VSTM5: variants seen among roughly 807,000 people sequenced by gnomAD.
The protein encoded by VSTM5 is V-set and transmembrane domain-containing protein 5.
A neutral mutation model predicts 20.3 loss-of-function variants in VSTM5; 21 were observed. The observed-to-expected ratio is 1.03, with a 90% CI of 0.73 to 1.49. The LOEUF (loss-of-function observed/expected upper bound fraction) is 1.49, where lower values mean the gene tolerates loss of function less well. VSTM5 is among the 40% of genes most tolerant of loss of function. The pLI, the probability that VSTM5 is intolerant of heterozygous loss-of-function variation, is 0.00. For missense variants in VSTM5, 219 were observed against 250.0 expected (o/e 0.88, Z 0.84); for synonymous variants, 100 against 102.5 (o/e 0.98, Z 0.14).
At position 93,821,096 on chromosome 11, in the gene VSTM5, G is replaced by A. The variant is rs1944180913; in HGVS notation, c.319C>T (p.Leu107Phe). The change falls in exon 2 of 4, where the codon CTC becomes TTC. Residue 107 changes from leucine to phenylalanine, a missense_variant. Leu to Phe is a conservative substitution (Grantham distance 22). Coordinates refer to ENST00000409977, the MANE Select transcript of VSTM5 (RefSeq NM_001144871.2). ...VCTFDNGSIQ[L>F]FSVGVRDSGY... Reference sequence around the variant, plus strand: ...GAATCCCTCACTCCCACGCTGAAGAGCTGGATGGAGCCGTTGTCAAAGGTG... The same window carrying A: ...GAATCCCTCACTCCCACGCTGAAGAACTGGATGGAGCCGTTGTCAAAGGTG... The A allele has an allele frequency of 9.7e-6, 15 of 1,551,842 alleles. No homozygotes were observed. The highest frequency in any genetic ancestry group is 1.2e-5 in the Non-Finnish European group (14 of 1,147,058).
In VSTM5 at chr11:93,850,589, C is replaced by G; in HGVS notation, c.-87G>C. ...TGCAGCCTTCTCTCTTCCTCCGCCT[C>G]TGGCTGCCGCAGGTTCTTTAGGGCC... On this transcript the variant is annotated 5_prime_UTR_variant, in exon 1 of 4. Transcript: ENST00000409977. The G allele has an allele frequency of 1.2e-6, 1 of 860,674 alleles. No individual in the cohort carries two copies. Among genetic ancestry groups the G allele is most frequent in the Non-Finnish European group, 1.6e-6 (1 of 624,582 alleles). The allele number at this position is 860,674 out of a possible 1,614,324, so 53.3% of individuals were successfully genotyped here.
chr11:93,850,198 C>G (rs1007938925), intron 1 of VSTM5, among the ~76,000 whole-genome samples: 1 of 152,038 alleles, frequency 6.6e-6, no homozygotes, highest in Admixed American at 6.5e-5. Context: ...TCTGCTTTGC[C>G]CAGCCCCTCC....
At chr11:93,820,966 G>T (rs1305987109) in intron 2 of VSTM5, 31 bp downstream of exon 2, 2 of 1,551,082 alleles carry the variant, frequency 1.3e-6, no homozygotes, top group Admixed American at 2.0e-5. Flanking sequence ...TCACAGTTCA[G>T]AGGGGTGCCC....
At chr11:93,843,328 C>G (rs908437532) in intron 1 of VSTM5, among the ~76,000 whole-genome samples, 2 of 152,086 alleles carry the variant, frequency 1.3e-5, no homozygotes, top group Non-Finnish European at 2.9e-5. Flanking sequence ...GTTGTAATTC[C>G]TCTTGATGAA....
intron 1 of VSTM5, among the ~76,000 whole-genome samples, chr11:93,831,316 T>C (rs1438378323): frequency 6.6e-6 from 1 of 152,094 alleles, no homozygotes; most frequent in African/African-American, 2.4e-5. Flanking sequence ...GGCGGCACAG[T>C]TTTAAGCCAC....
At chr11:93,842,679 C>T (rs1254410807) in intron 1 of VSTM5, among the ~76,000 whole-genome samples, 1 of 152,156 alleles carries the variant, frequency 6.6e-6, no homozygotes. Context: ...CTAGAAGGTG[C>T]GGTCAGTAAA....
intron 1 of VSTM5, among the ~76,000 whole-genome samples, chr11:93,822,532 G>A (rs1944196730): frequency 1.3e-5 from 2 of 152,174 alleles, no homozygotes; most frequent in Admixed American, 6.5e-5. Context: ...CGCCCAGGCT[G>A]GAGTGCTGAG....
Position 93,850,364 on chromosome 11 carries a change from C to T in VSTM5, c.91+48G>A, listed in dbSNP as rs767144354. The T allele has an allele frequency of 1.2e-5, 18 of 1,519,474 alleles. No individual in the cohort carries two copies. The South Asian group carries it at 1.9e-4, about 16-fold the overall frequency. The allele number at this position is 1,519,474 out of a possible 1,614,324, so 94.1% of individuals were successfully genotyped here. A position where few individuals can be genotyped will look rare whatever the true frequency, so the allele number is the denominator to read the frequency against. On this transcript the variant is annotated intron_variant, in intron 1 of 3. Transcript: ENST00000409977. ...ACCCCGGGGCCCCGCCCGTGCCCCCCTACCCATTCCCGCTCCCCCAGCACC... is the reference window on the plus strand; with the variant it reads ...ACCCCGGGGCCCCGCCCGTGCCCCCTTACCCATTCCCGCTCCCCCAGCACC...
intron 1 of VSTM5, among the ~76,000 whole-genome samples, chr11:93,844,441 G>A (rs1944396475): frequency 6.6e-6 from 1 of 152,116 alleles, no homozygotes; most frequent in African/African-American, 2.4e-5. Context: ...TAATATAGGG[G>A]CCTACTGGAG....
chr11:93,846,815 G>T (rs1944415605), intron 1 of VSTM5, among the ~76,000 whole-genome samples: 1 of 147,234 alleles, frequency 6.8e-6, no homozygotes, highest in African/African-American at 2.5e-5. Flanking sequence ...TCACCAGGCT[G>T]GAGGGCAGTG....
At chr11:93,844,855 T>TTCCATAGGATCAGACTAATGGAG (rs2135740167) in intron 1 of VSTM5, among the ~76,000 whole-genome samples, 1 of 66,696 alleles carries the variant, frequency 1.5e-5, no homozygotes, top group Admixed American at 1.3e-4. Context: ...CCCCAGCTCT[T>TTCCATAGGATCAGACTAATGGAG]GGCAAGCTGT....
At chr11:93,822,283 A>G (rs1411072176) in intron 1 of VSTM5, among the ~76,000 whole-genome samples, 2 of 151,844 alleles carry the variant, frequency 1.3e-5, no homozygotes, top group African/African-American at 2.4e-5. Flanking sequence ...GGGTTTCACA[A>G]TGTTGGCCAG....
chr11:93,818,637 A>C lies in VSTM5; in HGVS notation c.*1932T>G, dbSNP rs1944151755. The C allele has an allele frequency of 6.6e-6, 1 of 151,942 alleles. No homozygotes were observed. Among genetic ancestry groups the C allele is most frequent in the African/African-American group, 2.4e-5 (1 of 41,358 alleles). The allele number at this position is 151,942 out of a possible 1,614,324, so 9.4% of individuals were successfully genotyped here. A position where few individuals can be genotyped will look rare whatever the true frequency, so the allele number is the denominator to read the frequency against. On this transcript the variant is annotated 3_prime_UTR_variant, in exon 4 of 4. Transcript: ENST00000409977. ...GATTGCCAGCCCTGACTTCGGGACA[A>C]GCGGAAGAGCAGAGTTCTGAAAGGC...
intron 1 of VSTM5, among the ~76,000 whole-genome samples, chr11:93,825,193 G>T (rs1944222241): frequency 6.6e-6 from 1 of 152,062 alleles, no homozygotes; most frequent in Admixed American, 6.6e-5. Flanking sequence ...CTTGAGACAG[G>T]GTCTCCCTCT....
chr11:93,843,141 G>A (rs755447482), intron 1 of VSTM5, among the ~76,000 whole-genome samples: 4 of 151,552 alleles, frequency 2.6e-5, no homozygotes, highest in Admixed American at 2.6e-4. Flanking sequence ...CCACAGGTTC[G>A]AGTAAATTCT....
At chr11:93,820,669 G>T in intron 3 of VSTM5, 57 bp from the exon 4 acceptor site, 2 of 1,551,478 alleles carry the variant, frequency 1.3e-6, no homozygotes, top group Non-Finnish European at 1.7e-6. Context: ...TGCTTTCTTC[G>T]TGAGAACAAG....
At chr11:93,845,665 C>T (rs936166770) in intron 1 of VSTM5, among the ~76,000 whole-genome samples, 2 of 152,138 alleles carry the variant, frequency 1.3e-5, no homozygotes, top group Non-Finnish European at 2.9e-5. Flanking sequence ...GAGAAGCCAG[C>T]GTCTTGGGTG....
At chr11:93,825,199 C>T (rs1299418710) in intron 1 of VSTM5, among the ~76,000 whole-genome samples, 3 of 152,012 alleles carry the variant, frequency 2.0e-5, no homozygotes, top group African/African-American at 4.8e-5. Context: ...ACAGGGTCTC[C>T]CTCTGCCACC....
intron 1 of VSTM5, among the ~76,000 whole-genome samples, chr11:93,845,502 G>A (rs557209903): frequency 1.6e-4 from 25 of 152,248 alleles, no homozygotes; most frequent in South Asian, 1.2e-3. Context: ...AAAGGATGAC[G>A]GGTAACTTCC....
Sources: allele counts gnomAD v4.1 joint callset (sites outside exome capture counted in the v4.1 genomes callset), GRCh38; gene constraint gnomAD v4.1.1; transcripts MANE v1.5; gene names NCBI Gene and HGNC (gene_info 2026-07-23, HGNC 2026-07-21).